CATSPERT: variants seen among roughly 807,000 people sequenced by gnomAD.
CATSPERT encodes the protein catsper channel auxiliary subunit tau.
At chr2:201,518,995 C>T in the CATSPERT span, among the ~76,000 whole-genome samples, 2 of 152,170 alleles carry the variant, frequency 1.3e-5, no homozygotes, top group Non-Finnish European at 2.9e-5. Context: ...GATGATCCAG[C>T]ATATAACACA....
the CATSPERT span, among the ~76,000 whole-genome samples, chr2:201,571,711 T>C: frequency 2.5e-4 from 38 of 152,170 alleles, no homozygotes; most frequent in Admixed American, 1.1e-3. Context: ...TCTTCTTTTA[T>C]CTCCATACGT....
chr2:201,545,649 A>G, the CATSPERT span: 64 of 831,844 alleles, frequency 7.7e-5, 2 homozygotes, highest in East Asian at 1.0e-3. Context: ...AAAAAAAAAA[A>G]AAAAGAAAAA....
chr2:201,578,301 GAA>G, the CATSPERT span, among the ~76,000 whole-genome samples: 476 of 152,080 alleles, frequency 3.1e-3, 3 homozygotes, highest in African/African-American at 0.011. Context: ...ATAAAACAGA[GAA>G]AATGCAAAAA....
the CATSPERT span, chr2:201,557,417 C>A: frequency 6.6e-6 from 1 of 152,174 alleles, no homozygotes; most frequent in Non-Finnish European, 1.5e-5. Context: ...TATCAGATTT[C>A]TATTATCAAT....
the CATSPERT span, among the ~76,000 whole-genome samples, chr2:201,600,137 G>A: frequency 1.3e-5 from 2 of 152,064 alleles, no homozygotes; most frequent in Admixed American, 6.5e-5. Flanking sequence ...ACATACACAC[G>A]TATGTTTATT....
the CATSPERT span, among the ~76,000 whole-genome samples, chr2:201,566,034 A>G: frequency 6.6e-6 from 1 of 152,136 alleles, no homozygotes; most frequent in Non-Finnish European, 1.5e-5. Flanking sequence ...AAGAGCCACA[A>G]ATCTAGAGAT....
chr2:201,609,527 T>C, the CATSPERT span, among the ~76,000 whole-genome samples: 1 of 152,100 alleles, frequency 6.6e-6, no homozygotes, highest in Non-Finnish European at 1.5e-5. Context: ...TAGAAATCAG[T>C]AACAAGGGGA....
the CATSPERT span, among the ~76,000 whole-genome samples, chr2:201,580,519 A>G: frequency 6.6e-6 from 1 of 152,120 alleles, no homozygotes; most frequent in Non-Finnish European, 1.5e-5. Flanking sequence ...TTTTCTTCCT[A>G]TGCCACATCT....
chr2:201,545,193 G>A, the CATSPERT span, among the ~76,000 whole-genome samples: 4 of 151,472 alleles, frequency 2.6e-5, no homozygotes, highest in East Asian at 2.0e-4. Context: ...ACCTGCCACC[G>A]CGCCTGGCTA....
the CATSPERT span, among the ~76,000 whole-genome samples, chr2:201,525,617 T>C: frequency 6.6e-6 from 1 of 151,800 alleles, no homozygotes; most frequent in Non-Finnish European, 1.5e-5. Flanking sequence ...ATAACCAAAA[T>C]CAGAGCTGAA....
chr2:201,560,787 CTT>C, the CATSPERT span, among the ~76,000 whole-genome samples: 10 of 144,982 alleles, frequency 6.9e-5, no homozygotes, highest in Non-Finnish European at 7.6e-5. Flanking sequence ...TGAAATCTCT[CTT>C]TTTTTTTTTT....
At chr2:201,588,496 T>A in the CATSPERT span, among the ~76,000 whole-genome samples, 7 of 149,340 alleles carry the variant, frequency 4.7e-5, no homozygotes. Flanking sequence ...GGACCATACC[T>A]CAGAATAATA....
chr2:201,582,025 T>C, the CATSPERT span: 1 of 1,547,018 alleles, frequency 6.5e-7, no homozygotes, highest in South Asian at 1.3e-5. Flanking sequence ...TCAAGTATAA[T>C]AAATCACAAC....
the CATSPERT span, among the ~76,000 whole-genome samples, chr2:201,506,764 G>A: frequency 1.3e-5 from 2 of 152,174 alleles, no homozygotes; most frequent in East Asian, 1.9e-4. Context: ...CGTGTTAGCC[G>A]GGATGGTCTC....
chr2:201,578,993 G>A, the CATSPERT span, among the ~76,000 whole-genome samples: 1 of 152,050 alleles, frequency 6.6e-6, no homozygotes, highest in African/African-American at 2.4e-5. Context: ...TGATTTAACA[G>A]TATGCCATTT....
the CATSPERT span, among the ~76,000 whole-genome samples, chr2:201,513,346 C>T: frequency 6.6e-6 from 1 of 152,260 alleles, no homozygotes; most frequent in African/African-American, 2.4e-5. Flanking sequence ...CATCACTAAT[C>T]ATCAGAGAAA....
the CATSPERT span, among the ~76,000 whole-genome samples, chr2:201,531,176 G>C: frequency 1.3e-5 from 2 of 151,982 alleles, no homozygotes; most frequent in Non-Finnish European, 2.9e-5. Flanking sequence ...AGCCAGGATG[G>C]TCTTGATCTC....
At chr2:201,593,542 A>C in the CATSPERT span, among the ~76,000 whole-genome samples, 1 of 8,526 alleles carries the variant, frequency 1.2e-4, no homozygotes, top group Non-Finnish European at 5.6e-4. Flanking sequence ...ATCCTTGTTG[A>C]CCTTCTGTCT....
chr2:201,591,699 A>C, the CATSPERT span, among the ~76,000 whole-genome samples: 1 of 152,136 alleles, frequency 6.6e-6, no homozygotes, highest in African/African-American at 2.4e-5. Context: ...GAGGTCCTTC[A>C]CATCCCTTGT....
Sources: gnomAD v4.1 joint callset for allele counts (sites outside exome capture counted in the v4.1 genomes callset) on GRCh38, gnomAD v4.1.1 for gene constraint, MANE v1.5 for transcripts, NCBI Gene and HGNC (gene_info 2026-07-23, HGNC 2026-07-21) for gene names.